The following MGAT4C variants were observed in gnomAD, a reference collection of about 807,000 sequenced individuals.
MGAT4C encodes the protein alpha-1,3-mannosyl-glycoprotein 4-beta-N-acetylglucosaminyltransferase C.
Under a neutral mutation model 40.1 loss-of-function variants are expected in MGAT4C, and 19 were observed. That is an observed-to-expected ratio of 0.47 (90% CI 0.33 to 0.70). The LOEUF is 0.70. MGAT4C is among the 30% of genes least tolerant of loss of function. The pLI is 0.02. For synonymous variants in MGAT4C, 181 were observed against 187.1 expected, an observed-to-expected ratio of 0.97 and a Z score of 0.27; for missense variants, 491 against 563.2, an observed-to-expected ratio of 0.87 and a Z score of 1.30.
At chr12:86,749,792 A>C (rs1951206520) in intron 1 of MGAT4C, among the ~76,000 whole-genome samples, 1 of 151,772 alleles carries the variant, frequency 6.6e-6, no homozygotes, top group African/African-American at 2.4e-5. Flanking sequence ...GCTTTTCTTC[A>C]GTAAATAGAG....
chr12:86,711,167 C>G (rs544667612), intron 2 of MGAT4C, among the ~76,000 whole-genome samples: 2 of 151,942 alleles, frequency 1.3e-5, no homozygotes, highest in Non-Finnish European at 2.9e-5. Flanking sequence ...CCCACGTGTA[C>G]CCCCCAAAAA....
In MGAT4C at chr12:86,322,675, G is replaced by A. The variant is rs11103927; in HGVS notation, c.-57+11390C>T. Among the ~76,000 whole-genome samples the A allele has an allele frequency of 7.6e-3, 1,151 of 151,936 alleles. 15 individuals are homozygous for A. The highest frequency in any genetic ancestry group is 0.025 in the African/African-American group (1,048 of 41,450). ...TTATAATTCATTGAAAATGGTCAAC[G>A]GGAAGGGCAATTTAGTTGCTTTGAC... On this transcript the variant is annotated intron_variant, in intron 4 of 7. Coordinates refer to the MGAT4C transcript ENST00000548651.
intron 1 of MGAT4C, among the ~76,000 whole-genome samples, chr12:86,155,482 G>C (rs965247794): frequency 2.6e-5 from 4 of 152,162 alleles, no homozygotes; most frequent in African/African-American, 9.6e-5. Context: ...AACAGGACAT[G>C]ATTATGGTAG....
chr12:86,786,056 AT>A (rs1291847336), intron 1 of MGAT4C, among the ~76,000 whole-genome samples: 1 of 152,174 alleles, frequency 6.6e-6, no homozygotes, highest in East Asian at 1.9e-4. Flanking sequence ...TATGTTTACG[AT>A]CATTCAACTT....
At chr12:86,705,568 T>G (rs2136622680) in intron 2 of MGAT4C, among the ~76,000 whole-genome samples, 2 of 152,154 alleles carry the variant, frequency 1.3e-5, no homozygotes, top group Middle Eastern at 6.8e-3. Context: ...AAATGTAAAA[T>G]TTTTATAATT....
chr12:86,553,330 G>A (rs966232144), intron 2 of MGAT4C, among the ~76,000 whole-genome samples: 3 of 152,008 alleles, frequency 2.0e-5, no homozygotes, highest in Non-Finnish European at 2.9e-5. Flanking sequence ...AAAGGTATAA[G>A]AGTCATTTTT....
chr12:86,683,663 C>T (rs1950022386), intron 2 of MGAT4C, among the ~76,000 whole-genome samples: 1 of 152,152 alleles, frequency 6.6e-6, no homozygotes, highest in Non-Finnish European at 1.5e-5. Context: ...AACCCACAGC[C>T]CTGACAAAAT....
At chr12:86,563,473 T>C (rs12371245) in intron 2 of MGAT4C, among the ~76,000 whole-genome samples, 5,333 of 152,232 alleles carry the variant, frequency 0.035, 136 homozygotes, top group Non-Finnish European at 0.048. Flanking sequence ...AAAGACTAAT[T>C]TGAATTATAA....
chr12:86,376,804 CAGAGAGAGAGAGACAGAGAGAGAGAG>C lies in MGAT4C; in HGVS notation c.-119-42703_-119-42678del, dbSNP rs1565715957. Among the ~76,000 whole-genome samples the C allele has an allele frequency of 2.1e-4, 20 of 96,812 alleles. 1 individual carries two copies. The highest frequency in any genetic ancestry group is 7.3e-4 in the South Asian group (2 of 2,748). 63.5% of individuals were successfully genotyped at this position (96,812 alleles called of 152,430 possible). A position where few individuals can be genotyped will look rare whatever the true frequency, so the allele number is the denominator to read the frequency against. ...AGAGAGAGAGACAGAGAGAGAGAGA[CAGAGAGAGAGAGACAGAGAGAGAGAG>C]AGAGAGAGAGAGACAGAGAGAGAGA... On this transcript the variant is annotated intron_variant, in intron 3 of 7. Transcript: ENST00000548651.
rs138377944 is a variant in MGAT4C at position 86,702,969 on chromosome 12, G to A, written c.-229+24240C>T. On this transcript the variant is annotated intron_variant, in intron 2 of 7. Transcript: ENST00000548651. Reference sequence around the variant, plus strand: ...AGAACATTTATGATTTGTGAATGGAGGTCAAAATATAAGTATGAATAGGAG... The same window carrying A: ...AGAACATTTATGATTTGTGAATGGAAGTCAAAATATAAGTATGAATAGGAG... Among the ~76,000 whole-genome samples the A allele has an allele frequency of 4.3e-3, 660 of 152,220 alleles. 7 individuals are homozygous for A. The highest frequency in any genetic ancestry group is 0.015 in the African/African-American group (619 of 41,518).
chr12:86,228,449 G>A (rs193277909), intron 1 of MGAT4C, among the ~76,000 whole-genome samples: 225 of 151,848 alleles, frequency 1.5e-3, no homozygotes, highest in Admixed American at 3.1e-3. Flanking sequence ...CTAAGCCAGT[G>A]GAATAAATAT....
intron 2 of MGAT4C, among the ~76,000 whole-genome samples, chr12:86,604,891 A>G (rs1961991692): frequency 6.6e-6 from 1 of 152,172 alleles, no homozygotes; most frequent in Non-Finnish European, 1.5e-5. Context: ...GGGAGCATGT[A>G]CCATGTCTCT....
intron 1 of MGAT4C, among the ~76,000 whole-genome samples, chr12:86,808,173 A>G (rs1952399090): frequency 6.6e-6 from 1 of 152,082 alleles, no homozygotes; most frequent in South Asian, 2.1e-4. Context: ...AACCAGATGG[A>G]TTTACAGCTG....
intron 1 of MGAT4C, among the ~76,000 whole-genome samples, chr12:86,820,126 A>G (rs1214953265): frequency 6.6e-6 from 1 of 150,924 alleles, no homozygotes. Flanking sequence ...ACAAGATTTA[A>G]GATAAAGTAT....
chr12:86,327,760 A>G (rs1954560537), intron 4 of MGAT4C, among the ~76,000 whole-genome samples: 2 of 152,270 alleles, frequency 1.3e-5, no homozygotes, highest in African/African-American at 4.8e-5. Flanking sequence ...TTGGTTTTCA[A>G]TCAATCTGTT....
chr12:86,126,448 T>C (rs943554310), intron 1 of MGAT4C, among the ~76,000 whole-genome samples: 5 of 152,094 alleles, frequency 3.3e-5, no homozygotes, highest in Admixed American at 1.3e-4. Context: ...AGTTTAACCG[T>C]TGTACTAAAT....
chr12:86,660,693 T>C (rs564059475), intron 2 of MGAT4C, among the ~76,000 whole-genome samples: 18 of 152,266 alleles, frequency 1.2e-4, no homozygotes, highest in South Asian at 8.3e-4. Context: ...TATTTAACGG[T>C]ACCCTTTTAT....
intron 2 of MGAT4C, among the ~76,000 whole-genome samples, chr12:86,625,035 G>A (rs192679766): frequency 1.3e-5 from 2 of 152,156 alleles, no homozygotes; most frequent in Non-Finnish European, 2.9e-5. Context: ...TCTCGTGATA[G>A]TGAGTGAGTT....
chr12:86,456,979 A>T (rs1390592833), intron 2 of MGAT4C, among the ~76,000 whole-genome samples: 1 of 152,004 alleles, frequency 6.6e-6, no homozygotes, highest in Non-Finnish European at 1.5e-5. Context: ...CAAAAGCCGG[A>T]CTCCTGGATC....
Sources: allele counts gnomAD v4.1 joint callset (sites outside exome capture counted in the v4.1 genomes callset), GRCh38; gene constraint gnomAD v4.1.1; transcripts MANE v1.5; gene names NCBI Gene and HGNC (gene_info 2026-07-23, HGNC 2026-07-21).